AKAP10: variants seen among roughly 807,000 people sequenced by gnomAD.
AKAP10 encodes A-kinase anchoring protein 10.
In AKAP10, 24 loss-of-function variants were observed where a neutral mutation model predicts 80.8. The observed-to-expected ratio is 0.30, with a 90% CI of 0.22 to 0.42. AKAP10 has a LOEUF of 0.42. Ranked by LOEUF, AKAP10 falls within the 10% of genes least tolerant of loss-of-function variation. The probability of loss-of-function intolerance (pLI) is 1.00; values close to 1 mark genes in which losing one functional copy is unlikely to be tolerated. For synonymous variants in AKAP10, 291 were observed against 277.7 expected, an observed-to-expected ratio of 1.05 and a Z score of -0.48; for missense variants, 661 against 794.9, an observed-to-expected ratio of 0.83 and a Z score of 2.03.
chr17:19,912,981 C>CT (rs544057778), intron 12 of AKAP10, among the ~76,000 whole-genome samples: 3,290 of 141,512 alleles, frequency 0.023, 81 homozygotes, highest in Admixed American at 0.058. Context: ...TTCTTTCTTT[C>CT]TTTTTTTTTT....
chr17:19,960,037 A>G (rs1459387428), intron 3 of AKAP10, among the ~76,000 whole-genome samples: 1 of 152,208 alleles, frequency 6.6e-6, no homozygotes, highest in Non-Finnish European at 1.5e-5. Context: ...ACTAGAGCCC[A>G]GGAGTTCAAG....
rs757988473 is a variant in AKAP10, at chr17:19,958,141, A to C, written c.750T>G (p.Leu250=). The C allele has an allele frequency of 8.1e-6, 13 of 1,614,018 alleles. No individual in the cohort carries two copies. The Admixed American group carries it at 1.3e-4, about 17-fold the overall frequency. ...GGTGAGTTCCTGCTCTGGCCATTTC[A>C]AGACGGAGAGAATGGGCACTGTCAC... ...QECDSAHSLR[L]EMARAGTHQV... Residue 250 remains leucine (L), a synonymous_variant, in exon 4 of 15, where the codon CTT becomes CTG. Transcript: ENST00000225737.
In AKAP10 at chr17:19,958,557, C is replaced by A; in HGVS notation, c.334G>T (p.Asp112Tyr). 1 of 1,600,030 alleles carries A rather than the reference C, an allele frequency of 6.2e-7. No individual in the cohort carries two copies. Among genetic ancestry groups the A allele is most frequent in the Non-Finnish European group, 8.5e-7 (1 of 1,177,488 alleles). Residue 112 changes from aspartate (D) to tyrosine (Y), a missense_variant, in exon 4 of 15, where the codon GAC (aspartate) becomes TAC (tyrosine). By Grantham distance (160) the Asp-to-Tyr change is radical. Coordinates refer to ENST00000225737, the MANE Select transcript of AKAP10 (RefSeq NM_007202.4). ...GATTTGGTCTCTTGAGTCTGGTAGT[C>A]CAGACAAGATCTGCCTAAAAGATAG... The part of the protein sequence containing the change: ...HFGDLGRSCL[D>Y]YQTQETKSSL...
chr17:19,909,712 T>G (rs2042669071), intron 13 of AKAP10, among the ~76,000 whole-genome samples: 3 of 152,230 alleles, frequency 2.0e-5, no homozygotes, highest in Admixed American at 2.0e-4. Context: ...TCAGTGGTCC[T>G]AGCCTCTGAC....
chr17:19,975,940 T>C (rs1567781399), intron 1 of AKAP10, among the ~76,000 whole-genome samples: 1 of 152,228 alleles, frequency 6.6e-6, no homozygotes, highest in Non-Finnish European at 1.5e-5. Context: ...CCAATAAAGC[T>C]TCCTCCTACT....
At chr17:19,906,365 A>T in intron 14 of AKAP10, 133 bp from the exon 15 acceptor site, 1 of 942,756 alleles carries the variant, frequency 1.1e-6, no homozygotes, top group Middle Eastern at 3.0e-4. Flanking sequence ...GAAGCTGACT[A>T]CAATTTTGTG....
intron 10 of AKAP10, among the ~76,000 whole-genome samples, chr17:19,924,859 G>C (rs1192730449): frequency 2.0e-5 from 3 of 152,014 alleles, no homozygotes; most frequent in Non-Finnish European, 4.4e-5. Flanking sequence ...GGGATTACAG[G>C]TATGAGCCAC....
Position 19,958,117 on chromosome 17 carries a change from G to A in AKAP10, c.774C>T (p.His258=), listed in dbSNP as rs2152417644. Residue 258 remains histidine (H), a synonymous_variant, in exon 4 of 15, where the codon CAC becomes CAT. Coordinates refer to ENST00000225737, the MANE Select transcript of AKAP10 (RefSeq NM_007202.4). ...ATTCTTGGGTTTCCATGGAAACTTG[G>A]TGAGTTCCTGCTCTGGCCATTTCAA... The part of the protein sequence containing the change: ...LRLEMARAGT[H]QVSMETQESS... 3.7e-6 allele frequency: 6 copies of A among 1,614,132 alleles called. No individual in the cohort carries two copies. The highest frequency in any genetic ancestry group is 5.1e-6 in the Non-Finnish European group (6 of 1,180,026).
intron 11 of AKAP10, among the ~76,000 whole-genome samples, chr17:19,923,117 G>A (rs559089390): frequency 2.4e-4 from 36 of 151,852 alleles, no homozygotes; most frequent in Admixed American, 6.6e-4. Flanking sequence ...TTACTCTGTC[G>A]CGCAGGCTGC....
chr17:19,963,155 ATACT>A (rs749695776), intron 2 of AKAP10, 133 bp from the exon 3 acceptor site: 50 of 641,492 alleles, frequency 7.8e-5, no homozygotes, highest in Middle Eastern at 7.5e-4. Context: ...TCAGCAAAAA[ATACT>A]TAAGAGGAAA....
At position 19,936,230 on chromosome 17, in the gene AKAP10, A is replaced by G. The variant is rs904225873; in HGVS notation, c.1467+56T>C. ...GCTTGGTTTTCCCACCTTATATTTT[A>G]TGAGTTCTACCAATAAAACTTCTTG... On this transcript the variant is annotated intron_variant, in intron 9 of 14. Transcript: ENST00000225737. 5.8e-6 allele frequency: 9 copies of G among 1,553,358 alleles called. No individual in the cohort carries two copies. The East Asian group carries it at 1.8e-4, about 31-fold the overall frequency.
At chr17:19,944,812 T>A (rs2043086304) in intron 5 of AKAP10, among the ~76,000 whole-genome samples, 1 of 152,076 alleles carries the variant, frequency 6.6e-6, no homozygotes, top group Non-Finnish European at 1.5e-5. Flanking sequence ...ATGAAGGAGG[T>A]AGTGCAAGTA....
Position 19,970,831 on chromosome 17 carries a change from A to T in AKAP10, c.89-2370T>A, listed in dbSNP as rs530216070. The stretch of plus-strand genomic sequence containing the variant: ...GAGCAAGACTCTGTCTTAAAAAAAA[A>T]AAAATAAATAAATAAATAAAGACAT... On this transcript the variant is annotated intron_variant, in intron 1 of 14. Coordinates refer to ENST00000225737, the MANE Select transcript of AKAP10 (RefSeq NM_007202.4). Among the ~76,000 whole-genome samples the T allele has an allele frequency of 1.4e-3, 220 of 152,026 alleles. 1 individual carries two copies. The highest frequency in any genetic ancestry group is 4.7e-3 in the African/African-American group (196 of 41,364).
chr17:19,973,705 A>C (rs749489798), intron 1 of AKAP10, among the ~76,000 whole-genome samples: 6 of 152,256 alleles, frequency 3.9e-5, no homozygotes, highest in Non-Finnish European at 7.3e-5. Flanking sequence ...TTTGAATGTC[A>C]TCTCCTTAGA....
At chr17:19,954,116 T>C (rs2043245633) in intron 4 of AKAP10, among the ~76,000 whole-genome samples, 1 of 152,140 alleles carries the variant, frequency 6.6e-6, no homozygotes. Context: ...ACACCAATTC[T>C]ACACAATCTC....
At chr17:19,964,018 T>A (rs17604987) in intron 2 of AKAP10, among the ~76,000 whole-genome samples, 31,849 of 152,164 alleles carry the variant, frequency 0.21, 3,600 homozygotes, top group Middle Eastern at 0.29. Flanking sequence ...AGTCATTCAA[T>A]AATAGTTGTG....
intron 8 of AKAP10, among the ~76,000 whole-genome samples, chr17:19,936,896 C>G (rs115622509): frequency 1.3e-5 from 2 of 152,038 alleles, no homozygotes; most frequent in Non-Finnish European, 2.9e-5. Context: ...CAGGAGTAAA[C>G]ATGTACAAAT....
rs551666693 is a variant in AKAP10 at position 19,947,776 on chromosome 17, G to A, written c.878-271C>T. 9.9e-5 allele frequency among the ~76,000 whole-genome samples: 15 copies of A among 152,242 alleles called. No homozygotes were observed. In the East Asian group the frequency reaches 2.7e-3, roughly 27 times the overall value. Reference sequence around the variant, plus strand: ...TAAACTCATATTAACCTGTTATAACGTATCTGAACAGGATCTACTCTGAGG... The same window carrying A: ...TAAACTCATATTAACCTGTTATAACATATCTGAACAGGATCTACTCTGAGG... On this transcript the variant is annotated intron_variant, in intron 4 of 14. Transcript: ENST00000225737.
intron 5 of AKAP10, 39 bp from the exon 6 acceptor site, chr17:19,941,949 T>A: frequency 1.9e-6 from 3 of 1,589,150 alleles, no homozygotes; most frequent in Middle Eastern, 1.7e-4. Context: ...TGCCACTAAA[T>A]TCAAACTATG....
Sources: gnomAD v4.1 joint callset for allele counts (sites outside exome capture counted in the v4.1 genomes callset) on GRCh38, gnomAD v4.1.1 for gene constraint, MANE v1.5 for transcripts, NCBI Gene and HGNC (gene_info 2026-07-23, HGNC 2026-07-21) for gene names.